Variants in GDAP1 observed in about 807,000 individuals in gnomAD.
GDAP1 encodes the protein ganglioside induced differentiation associated protein 1.
Under a neutral mutation model 40.1 loss-of-function variants are expected in GDAP1, and 34 were observed. The ratio of observed to expected loss-of-function variants is 0.85; its 90% CI spans 0.64 to 1.13. The LOEUF is 1.13. Among genes scored for constraint, GDAP1 ranks in the 50% most tolerant of loss-of-function variants. The pLI is 0.00. For missense variants in GDAP1, 374 were observed against 433.7 expected, an observed-to-expected ratio of 0.86 and a Z score of 1.22; for synonymous variants, 170 against 157.4, an observed-to-expected ratio of 1.08 and a Z score of -0.60.
chr8:74,381,936 C>G (rs956989327), intron 2 of GDAP1, among the ~76,000 whole-genome samples: 1 of 151,900 alleles, frequency 6.6e-6, no homozygotes. Context: ...TTTGGGAGGT[C>G]AATCCTCTGC....
chr8:74,400,279 G>T (rs1459731901), intron 2 of GDAP1, among the ~76,000 whole-genome samples: 1 of 149,940 alleles, frequency 6.7e-6, no homozygotes, highest in Non-Finnish European at 1.5e-5. Flanking sequence ...TCTTCTTGTT[G>T]AATTGATCCC....
At chr8:74,426,756 C>A (rs1805952056) in intron 2 of GDAP1, among the ~76,000 whole-genome samples, 1 of 152,106 alleles carries the variant, frequency 6.6e-6, no homozygotes, top group African/African-American at 2.4e-5. Flanking sequence ...TGATTTCTTG[C>A]CATAAAATGC....
intron 2 of GDAP1, among the ~76,000 whole-genome samples, chr8:74,440,830 A>G (rs1326960826): frequency 1.3e-5 from 2 of 152,118 alleles, no homozygotes; most frequent in Non-Finnish European, 2.9e-5. Flanking sequence ...GCCTACTAAG[A>G]CTTATTTTTT....
At chr8:74,441,386 T>A (rs1260558792) in intron 2 of GDAP1, among the ~76,000 whole-genome samples, 1 of 152,110 alleles carries the variant, frequency 6.6e-6, no homozygotes, top group Non-Finnish European at 1.5e-5. Flanking sequence ...AACATATAGA[T>A]TTAGCAGCTA....
intron 2 of GDAP1, among the ~76,000 whole-genome samples, chr8:74,376,196 T>C (rs997640787): frequency 2.0e-5 from 3 of 152,240 alleles, no homozygotes; most frequent in Non-Finnish European, 4.4e-5. Context: ...AATGTATCTG[T>C]AGATTGAATG....
At chr8:74,425,887 A>G (rs547708116) in intron 2 of GDAP1, among the ~76,000 whole-genome samples, 3 of 152,136 alleles carry the variant, frequency 2.0e-5, no homozygotes, top group Non-Finnish European at 4.4e-5. Context: ...TCTCAATTAT[A>G]TGTCTTTCTG....
chr8:74,446,401 G>C (rs574472740), intron 2 of GDAP1, among the ~76,000 whole-genome samples: 2 of 152,256 alleles, frequency 1.3e-5, no homozygotes, highest in South Asian at 4.2e-4. Flanking sequence ...ATGCTGACCT[G>C]TCTGTGATGG....
intron 2 of GDAP1, among the ~76,000 whole-genome samples, chr8:74,465,091 G>A (rs1038271388): frequency 2.0e-5 from 3 of 151,940 alleles, no homozygotes; most frequent in African/African-American, 7.3e-5. Flanking sequence ...GTGGTAGCGT[G>A]CTCCTGTAGT....
rs1397807228 is a variant in GDAP1 at position 74,365,348 on chromosome 8, T to C, written c.*981T>C. ...CACTTGGCAGTTAATCTAGGGAAGA[T>C]GAATTAAATGGGTAGATAGTGATGC... On this transcript the variant is annotated 3_prime_UTR_variant, in exon 6 of 6. Transcript: ENST00000220822. 2.2e-6 allele frequency: 1 copy of C among 453,996 alleles called. No homozygotes were observed. Among genetic ancestry groups the C allele is most frequent in the Non-Finnish European group, 4.4e-6 (1 of 226,780 alleles). 28.1% of individuals were successfully genotyped at this position (453,996 alleles called of 1,614,324 possible).
chr8:74,458,576 T>C (rs762381759), intron 2 of GDAP1, among the ~76,000 whole-genome samples: 2 of 152,184 alleles, frequency 1.3e-5, no homozygotes, highest in Non-Finnish European at 2.9e-5. Flanking sequence ...AAGAAGAAGA[T>C]ACTTTGATGA....
downstream of GDAP1, among the ~76,000 whole-genome samples, chr8:74,368,350 C>G (rs117966155): frequency 6.6e-6 from 1 of 152,294 alleles, no homozygotes; most frequent in East Asian, 1.9e-4. Context: ...TACTTGCAAA[C>G]ATTGCCAAAT....
chr8:74,373,384 G>C (rs903283020), intron 2 of GDAP1, among the ~76,000 whole-genome samples: 4 of 152,076 alleles, frequency 2.6e-5, no homozygotes, highest in Non-Finnish European at 5.9e-5. Flanking sequence ...TCTTCCTATC[G>C]ATGAGCATGG....
chr8:74,472,106 G>A (rs180934536), intron 2 of GDAP1, among the ~76,000 whole-genome samples: 49 of 152,126 alleles, frequency 3.2e-4, no homozygotes, highest in Non-Finnish European at 5.9e-4. Flanking sequence ...TCCACTCTCC[G>A]ATAGTCCTCA....
At chr8:74,388,598 A>T (rs1366972991) in intron 2 of GDAP1, among the ~76,000 whole-genome samples, 3 of 152,108 alleles carry the variant, frequency 2.0e-5, no homozygotes, top group Non-Finnish European at 1.5e-5. Flanking sequence ...TTTACTTCCA[A>T]TTATGTGGTC....
At chr8:74,393,580 G>A (rs1197103763) in intron 2 of GDAP1, among the ~76,000 whole-genome samples, 1 of 152,114 alleles carries the variant, frequency 6.6e-6, no homozygotes, top group African/African-American at 2.4e-5. Context: ...AAACAAAGGG[G>A]CAGAAATTTA....
chr8:74,487,121 G>A (rs1163560928), intron 2 of GDAP1, among the ~76,000 whole-genome samples: 1 of 152,106 alleles, frequency 6.6e-6, no homozygotes, highest in African/African-American at 2.4e-5. Flanking sequence ...ACAGTGCCTG[G>A]CACATGGTAA....
intron 2 of GDAP1, among the ~76,000 whole-genome samples, chr8:74,419,995 A>C (rs948581775): frequency 6.6e-6 from 1 of 152,154 alleles, no homozygotes; most frequent in African/African-American, 2.4e-5. Context: ...TGAGCTCTCA[A>C]TTCTATTCCA....
chr8:74,396,054 G>A (rs1012661362), intron 2 of GDAP1, among the ~76,000 whole-genome samples: 1 of 152,040 alleles, frequency 6.6e-6, no homozygotes, highest in African/African-American at 2.4e-5. Context: ...CCATATATAT[G>A]TACACAAATT....
chr8:74,381,424 A>G (rs890337183), intron 2 of GDAP1, among the ~76,000 whole-genome samples: 2 of 152,080 alleles, frequency 1.3e-5, no homozygotes, highest in Non-Finnish European at 2.9e-5. Context: ...AGATTCATAG[A>G]TATGTATATT....
Sources: gnomAD v4.1 joint callset for allele counts (sites outside exome capture counted in the v4.1 genomes callset) on GRCh38, gnomAD v4.1.1 for gene constraint, MANE v1.5 for transcripts, NCBI Gene and HGNC (gene_info 2026-07-23, HGNC 2026-07-21) for gene names.